ZNF765: variants seen among roughly 807,000 people sequenced by gnomAD.
ZNF765 encodes the protein zinc finger protein 765.
A neutral mutation model predicts 44.7 loss-of-function variants in ZNF765; 37 were observed. The observed-to-expected ratio is 0.83, with a 90% CI of 0.64 to 1.09. The LOEUF is 1.09. Among genes scored for constraint, ZNF765 ranks in the 50% least tolerant of loss-of-function variants. The probability of loss-of-function intolerance (pLI) is 0.00; values close to 1 mark genes in which losing one functional copy is unlikely to be tolerated. For missense variants in ZNF765, 594 were observed against 626.1 expected (o/e 0.95, Z 0.55); for synonymous variants, 201 against 213.7 (o/e 0.94, Z 0.52).
At chr19:53,401,390 C>T (rs1351644425) in intron 2 of ZNF765, among the ~76,000 whole-genome samples, 2 of 151,856 alleles carry the variant, frequency 1.3e-5, no homozygotes, top group South Asian at 2.1e-4. Flanking sequence ...GGTGAAACCC[C>T]GTCTCTACTA....
At position 53,400,073 on chromosome 19, in the gene ZNF765, A is replaced by G. The variant is rs367802134; in HGVS notation, c.16-1992A>G. 4.6e-5 allele frequency among the ~76,000 whole-genome samples: 7 copies of G among 152,134 alleles called. No individual in the cohort carries two copies. In the East Asian group the frequency reaches 9.7e-4, roughly 21 times the overall value. On this transcript the variant is annotated intron_variant, in intron 2 of 3. Coordinates refer to ENST00000396408, the MANE Select transcript of ZNF765 (RefSeq NM_001040185.3). ...TTGATCCACCTGCCTCAGCCACTCA[A>G]AGTGGTGGGATTACAGGCATGAGCC...
chr19:53,405,392 T>C (rs2085764338), intron 3 of ZNF765, among the ~76,000 whole-genome samples: 1 of 152,030 alleles, frequency 6.6e-6, no homozygotes, highest in Admixed American at 6.6e-5. Context: ...GCATGGGTGA[T>C]AGTATGTGAC....
At chr19:53,413,823 T>C (rs376601310), downstream of ZNF765, among the ~76,000 whole-genome samples, 12 of 145,132 alleles carry the variant, frequency 8.3e-5, 1 homozygote, top group East Asian at 1.0e-3. Flanking sequence ...GTCACAAGCT[T>C]GTGAAAGGAA....
At position 53,409,617 on chromosome 19, in the gene ZNF765, A is replaced by T; in HGVS notation, c.*490A>T. Reference sequence around the variant, plus strand: ...AATTCATACTGGAGAGAAACCATACAAGTGTAATGAGTGTGGCAAGACCTT... The same window carrying T: ...AATTCATACTGGAGAGAAACCATACTAGTGTAATGAGTGTGGCAAGACCTT... On this transcript the variant is annotated 3_prime_UTR_variant, in exon 4 of 4. Transcript: ENST00000396408. 4 of 1,464,514 alleles carry T rather than the reference A, an allele frequency of 2.7e-6. No homozygotes were observed. The highest frequency in any genetic ancestry group is 3.8e-6 in the Non-Finnish European group (4 of 1,047,024). The allele number at this position is 1,464,514 out of a possible 1,614,324, so 90.7% of individuals were successfully genotyped here. A position where few individuals can be genotyped will look rare whatever the true frequency, so the allele number is the denominator to read the frequency against.
rs775678846 is a variant in ZNF765, at chr19:53,408,852, A to G, written c.1297A>G (p.Ser433Gly). The G allele has an allele frequency of 1.2e-6, 2 of 1,613,956 alleles. No homozygotes were observed. Among genetic ancestry groups the G allele is most frequent in the South Asian group, 2.2e-5 (2 of 91,074 alleles). ...QLTLNICRLH[S>G]GEKPYKCEEC... Reference sequence around the variant, plus strand: ...AACCCTTAACATTTGTAGACTTCATAGTGGAGAGAAACCTTACAAATGTGA... The same window carrying G: ...AACCCTTAACATTTGTAGACTTCATGGTGGAGAGAAACCTTACAAATGTGA... The change falls in exon 4 of 4, where the codon AGT becomes GGT. Residue 433 changes from serine (S) to glycine (G), a missense_variant. Ser to Gly is a moderately conservative substitution (Grantham distance 56). Transcript: ENST00000396408.
chr19:53,397,426 A>C (rs555261717), intron 1 of ZNF765, among the ~76,000 whole-genome samples: 1 of 152,258 alleles, frequency 6.6e-6, no homozygotes, highest in South Asian at 2.1e-4. Flanking sequence ...TTTAGTAGAG[A>C]CAGGGTTTCA....
downstream of ZNF765, among the ~76,000 whole-genome samples, chr19:53,415,521 CT>C (rs1241700937): frequency 5.9e-5 from 9 of 151,874 alleles, no homozygotes. Context: ...TAAATGACTA[CT>C]TTTTATTTTA....
chr19:53,414,481 ACACACACACCCCCCCCCCCCC>A (rs2085861190), downstream of ZNF765, among the ~76,000 whole-genome samples: 2 of 1,738 alleles, frequency 1.2e-3, no homozygotes, highest in African/African-American at 1.8e-3. Context: ...ACACACACAC[ACACACACACCCCCCCCCCCCC>A]CCCCCCCGGG....
chr19:53,425,481 T>G (rs1197715065), exon 4 of ZNF765: 1 of 152,122 alleles, frequency 6.6e-6, no homozygotes, highest in African/African-American at 2.4e-5. Flanking sequence ...GCTATTTTTA[T>G]TTTTGTATTT....
intron 3 of ZNF765, among the ~76,000 whole-genome samples, chr19:53,405,517 A>G (rs1275230785): frequency 4.0e-5 from 6 of 151,648 alleles, no homozygotes; most frequent in Admixed American, 1.3e-4. Context: ...GTGCCAGCCA[A>G]ATTGGTTCCT....
intron 3 of ZNF765, among the ~76,000 whole-genome samples, chr19:53,417,734 T>G (rs2085883661): frequency 6.6e-6 from 1 of 152,222 alleles, no homozygotes; most frequent in South Asian, 2.1e-4. Flanking sequence ...TAATGTAAAC[T>G]AACGGCTTCA....
At chr19:53,399,128 A>G (rs1314831142) in intron 2 of ZNF765, among the ~76,000 whole-genome samples, 1 of 151,778 alleles carries the variant, frequency 6.6e-6, no homozygotes, top group Non-Finnish European at 1.5e-5. Flanking sequence ...GTACATGTGC[A>G]CAATGTGCAG....
At chr19:53,414,232 C>T (rs34463249), downstream of ZNF765, among the ~76,000 whole-genome samples, 342 of 56,786 alleles carry the variant, frequency 6.0e-3, 4 homozygotes, top group Non-Finnish European at 0.01. Context: ...CAGAGTGAGA[C>T]TCCATCTCAA....
At chr19:53,412,361 C>T (rs2147101572), downstream of ZNF765, among the ~76,000 whole-genome samples, 1 of 152,272 alleles carries the variant, frequency 6.6e-6, no homozygotes, top group East Asian at 1.9e-4. Flanking sequence ...CCTTGCATCC[C>T]AGAAATAAGT....
intron 3 of ZNF765, among the ~76,000 whole-genome samples, chr19:53,405,637 A>T (rs2085766028): frequency 6.7e-6 from 1 of 149,812 alleles, no homozygotes; most frequent in Admixed American, 6.8e-5. Context: ...ATGAAAGCAC[A>T]AGTCCTATTC....
Position 53,406,300 on chromosome 19 carries a change from A to T in ZNF765, c.143-1398A>T, listed in dbSNP as rs145417486. Among the ~76,000 whole-genome samples the T allele has an allele frequency of 6.2e-3, 946 of 151,884 alleles. 9 individuals are homozygous for T. Among genetic ancestry groups the T allele is most frequent in the African/African-American group, 0.021 (888 of 41,416 alleles). On this transcript the variant is annotated intron_variant, in intron 3 of 3. Coordinates refer to ENST00000396408, the MANE Select transcript of ZNF765 (RefSeq NM_001040185.3). Reference sequence around the variant, plus strand: ...CACCTCAGCCTCCCAAAGTGCTGGGATTACAGACCTGAGCCACCGTGTCCA... The same window carrying T: ...CACCTCAGCCTCCCAAAGTGCTGGGTTTACAGACCTGAGCCACCGTGTCCA...
At chr19:53,418,572 GTA>G (rs2085888395) in intron 3 of ZNF765, among the ~76,000 whole-genome samples, 1 of 152,056 alleles carries the variant, frequency 6.6e-6, no homozygotes, top group Non-Finnish European at 1.5e-5. Context: ...ACTTTGACAG[GTA>G]GAGTATGGAA....
rs1349461841 is a variant in ZNF765 at position 53,411,108 on chromosome 19, G to A, written c.*1981G>A. ...TTAACATTGAGTTGAAGCCTTAATT[G>A]ACATTAAAGTGTTTATGTTAAGAGG... On this transcript the variant is annotated 3_prime_UTR_variant, in exon 4 of 4. Transcript: ENST00000396408. 1.2e-5 allele frequency: 3 copies of A among 240,590 alleles called. No individual in the cohort carries two copies. The highest frequency in any genetic ancestry group is 2.5e-5 in the Non-Finnish European group (3 of 118,844). 14.9% of individuals were successfully genotyped at this position (240,590 alleles called of 1,614,324 possible).
At chr19:53,405,372 C>G (rs560367037) in intron 3 of ZNF765, among the ~76,000 whole-genome samples, 1 of 152,216 alleles carries the variant, frequency 6.6e-6, no homozygotes, top group African/African-American at 2.4e-5. Context: ...AATCATGCCA[C>G]TACACTCCAG....
Sources: allele counts gnomAD v4.1 joint callset (sites outside exome capture counted in the v4.1 genomes callset), GRCh38; gene constraint gnomAD v4.1.1; transcripts MANE v1.5; gene names NCBI Gene and HGNC (gene_info 2026-07-23, HGNC 2026-07-21).